The following MED13 variants were observed in gnomAD, a reference collection of about 807,000 sequenced individuals.
MED13 encodes the protein mediator of RNA polymerase II transcription subunit 13.
MED13 carries 23 observed loss-of-function variants against 225.2 expected under a neutral mutation model. The observed-to-expected ratio is 0.10, with a 90% CI of 0.07 to 0.14. The LOEUF (loss-of-function observed/expected upper bound fraction) is 0.14. Ranked by LOEUF, MED13 falls within the 10% of genes least tolerant of loss-of-function variation. The pLI is 1.00. For missense variants in MED13, 2,197 were observed against 2,594.5 expected (o/e 0.85, Z 3.33); for synonymous variants, 942 against 889.2 (o/e 1.06, Z -1.06).
At chr17:62,060,264 G>A (rs1291832127) in intron 2 of MED13, among the ~76,000 whole-genome samples, 3 of 151,964 alleles carry the variant, frequency 2.0e-5, no homozygotes, top group Admixed American at 2.0e-4. Context: ...CTGCACTCCA[G>A]CCTGGGCGAC....
At chr17:62,026,979 GA>G (rs779210650) in intron 8 of MED13, among the ~76,000 whole-genome samples, 4 of 152,146 alleles carry the variant, frequency 2.6e-5, no homozygotes, top group Non-Finnish European at 5.9e-5. Flanking sequence ...TCATGGATAG[GA>G]AGAATCAATA....
chr17:62,057,928 T>C (rs2081008151), intron 2 of MED13, among the ~76,000 whole-genome samples: 1 of 152,210 alleles, frequency 6.6e-6, no homozygotes, highest in Non-Finnish European at 1.5e-5. Context: ...CAGTGTTTGC[T>C]TTTATTTTTA....
rs2079846352 is a variant in MED13 at position 61,945,602 on chromosome 17, A to G, written c.*866T>C. ...AAGAATTCTCATTTTATTCTAAGTT[A>G]AACCACCTAACAATACCACTTGTAT... On this transcript the variant is annotated 3_prime_UTR_variant, in exon 30 of 30. Coordinates refer to ENST00000397786, the MANE Select transcript of MED13 (RefSeq NM_005121.3). 3 of 152,650 alleles carry G rather than the reference A, an allele frequency of 2.0e-5. No individual in the cohort carries two copies. Among genetic ancestry groups the G allele is most frequent in the Admixed American group, 1.3e-4 (2 of 15,274 alleles). 9.5% of individuals were successfully genotyped at this position (152,650 alleles called of 1,614,324 possible).
At chr17:61,986,869 A>G (rs2080252247) in intron 12 of MED13, 138 bp downstream of exon 12, 4 of 455,340 alleles carry the variant, frequency 8.8e-6, no homozygotes, top group Admixed American at 4.6e-5. Context: ...AAAGAAATCA[A>G]TGAATGAGGT....
intron 12 of MED13, among the ~76,000 whole-genome samples, chr17:61,986,437 T>G (rs1353025115): frequency 6.6e-6 from 1 of 152,208 alleles, no homozygotes; most frequent in Non-Finnish European, 1.5e-5. Context: ...GACTTGACAT[T>G]CTAGGGAATC....
At chr17:62,062,980 C>CA (rs2081053299) in intron 2 of MED13, 87 bp downstream of exon 2, 1 of 1,018,646 alleles carries the variant, frequency 9.8e-7, no homozygotes, top group African/African-American at 1.6e-5. Flanking sequence ...CCCACAAAAA[C>CA]AAACTTAATT....
At chr17:61,967,899 T>C (rs1433731003) in intron 18 of MED13, 136 bp downstream of exon 18, 7 of 677,162 alleles carry the variant, frequency 1.0e-5, no homozygotes, top group Non-Finnish European at 1.7e-5. Context: ...AGAATGTAAC[T>C]GGCTAGTATG....
chr17:61,993,482 G>A (rs1014359735), intron 10 of MED13, among the ~76,000 whole-genome samples: 3 of 151,592 alleles, frequency 2.0e-5, no homozygotes, highest in Admixed American at 6.6e-5. Context: ...GATTACAGGC[G>A]TGAGACACAG....
intron 8 of MED13, among the ~76,000 whole-genome samples, chr17:62,013,089 C>G (rs2080527604): frequency 6.6e-6 from 1 of 152,066 alleles, no homozygotes; most frequent in South Asian, 2.1e-4. Flanking sequence ...CTGCGCCCGG[C>G]CGAGACACCT....
chr17:62,062,638 AT>A (rs2081050314), intron 2 of MED13, among the ~76,000 whole-genome samples: 1 of 151,344 alleles, frequency 6.6e-6, no homozygotes, highest in Non-Finnish European at 1.5e-5. Flanking sequence ...GGATAGTTAC[AT>A]TTCCAGTACT....
In MED13 at chr17:62,031,629, C is replaced by A; in HGVS notation, c.824G>T (p.Arg275Leu). Residue 275 changes from arginine to leucine, a missense_variant, in exon 6 of 30, where the codon CGA (arginine) becomes CTA (leucine). Transcript: ENST00000397786. The part of the protein sequence containing the change: ...AAVEVLVAGV[R>L]MIYPACFVLV... ...AACAAAGCATGCTGGGTAGATCATTCGGACACCAGCTGAAAGGAAAAAAAT... is the reference window on the plus strand; with the variant it reads ...AACAAAGCATGCTGGGTAGATCATTAGGACACCAGCTGAAAGGAAAAAAAT... 3 of 1,554,454 alleles carry A rather than the reference C, an allele frequency of 1.9e-6. No homozygotes were observed. The highest frequency in any genetic ancestry group is 2.6e-6 in the Non-Finnish European group (3 of 1,149,682).
At chr17:62,045,951 TA>T (rs1452382251) in intron 3 of MED13, among the ~76,000 whole-genome samples, 1 of 152,228 alleles carries the variant, frequency 6.6e-6, no homozygotes, top group Non-Finnish European at 1.5e-5. Flanking sequence ...TTAAAAATTT[TA>T]AAGAAAGGAA....
intron 16 of MED13, among the ~76,000 whole-genome samples, chr17:61,974,550 T>TG (rs56854396): frequency 0.37 from 56,181 of 151,662 alleles, 12,600 homozygotes; most frequent in East Asian, 0.72. Flanking sequence ...CATGTACCCA[T>TG]AACCTAAAAG....
rs184880749 is a variant in MED13, at chr17:61,943,200, A to G, written c.*3268T>C. The G allele has an allele frequency of 6.5e-6, 1 of 152,706 alleles. No homozygotes were observed. Among genetic ancestry groups the G allele is most frequent in the East Asian group, 1.9e-4 (1 of 5,184 alleles). 9.5% of individuals were successfully genotyped at this position (152,706 alleles called of 1,614,324 possible). A position where few individuals can be genotyped will look rare whatever the true frequency, so the allele number is the denominator to read the frequency against. On this transcript the variant is annotated 3_prime_UTR_variant, in exon 30 of 30. Transcript: ENST00000397786. Reference sequence around the variant, plus strand: ...CATTTTTCCTTAATTCAGACAAACTAAAATCTTAAGAGGAAACCCAGACCA... The same window carrying G: ...CATTTTTCCTTAATTCAGACAAACTGAAATCTTAAGAGGAAACCCAGACCA...
At chr17:61,966,392 C>T (rs2080058321) in intron 19 of MED13, 70 bp downstream of exon 19, 2 of 1,250,498 alleles carry the variant, frequency 1.6e-6, no homozygotes, top group East Asian at 4.8e-5. Context: ...ATTTTATCTA[C>T]AAAAACAGCT....
chr17:62,041,681 ATTT>A (rs2080854210), intron 3 of MED13, among the ~76,000 whole-genome samples: 1 of 151,872 alleles, frequency 6.6e-6, no homozygotes, highest in Non-Finnish European at 1.5e-5. Context: ...AGCTCAAGCG[ATTT>A]TCCTGCCTCA....
chr17:62,034,416 G>A (rs1397349654), intron 4 of MED13, among the ~76,000 whole-genome samples: 4 of 150,890 alleles, frequency 2.7e-5, no homozygotes, highest in African/African-American at 7.3e-5. Context: ...GAACCCGGGA[G>A]GCAGAGGCTG....
At chr17:61,968,808 G>A (rs2080081696) in intron 17 of MED13, among the ~76,000 whole-genome samples, 1 of 152,190 alleles carries the variant, frequency 6.6e-6, no homozygotes, top group Admixed American at 6.5e-5. Context: ...TTAGACTGCA[G>A]TGGAACAATC....
At chr17:61,947,069 T>C (rs2079856828) in intron 28 of MED13, 52 bp from the exon 29 acceptor site, 3 of 1,276,484 alleles carry the variant, frequency 2.4e-6, no homozygotes, top group Non-Finnish European at 2.3e-6. Flanking sequence ...AATAATCTGC[T>C]ATTTAGTTTT....
Sources: allele counts gnomAD v4.1 joint callset (sites outside exome capture counted in the v4.1 genomes callset), GRCh38; gene constraint gnomAD v4.1.1; transcripts MANE v1.5; gene names NCBI Gene and HGNC (gene_info 2026-07-23, HGNC 2026-07-21).